The following NBAS variants were observed in gnomAD, a reference collection of about 807,000 sequenced individuals.
NBAS encodes the protein NBAS subunit of NRZ tethering complex, also known as NAG/BC035112 fusion.
Under a neutral mutation model 302.5 loss-of-function variants are expected in NBAS, and 219 were observed. That is an observed-to-expected ratio of 0.72 (90% CI 0.65 to 0.81). The LOEUF is 0.81. Ranked by LOEUF, NBAS falls within the 30% of genes least tolerant of loss-of-function variation. NBAS has a pLI of 0.00. For synonymous variants in NBAS, 1,118 were observed against 1,021.6 expected (o/e 1.09, Z -1.80); for missense variants, 2,932 against 2,841.6 (o/e 1.03, Z -0.72).
chr2:15,247,759 TA>T (rs1668169815), intron 44 of NBAS, among the ~76,000 whole-genome samples: 1 of 80,366 alleles, frequency 1.2e-5, no homozygotes, highest in Non-Finnish European at 2.1e-5. Context: ...TATATAGATA[TA>T]AAATCCATCA....
At chr2:14,788,394 G>C in the NBAS span, among the ~76,000 whole-genome samples, 4 of 152,082 alleles carry the variant, frequency 2.6e-5, no homozygotes, top group African/African-American at 7.2e-5. Flanking sequence ...GAGGAGAGGC[G>C]CTCTGCTTTT....
At chr2:15,092,987 G>A in the NBAS span, among the ~76,000 whole-genome samples, 1 of 152,116 alleles carries the variant, frequency 6.6e-6, no homozygotes, top group Admixed American at 6.5e-5. Flanking sequence ...TGTTCCTGGG[G>A]GTTAAAGTTA....
intron 50 of NBAS, chr2:15,180,191 T>A (rs1233410426): frequency 6.6e-6 from 1 of 152,218 alleles, no homozygotes; most frequent in African/African-American, 2.4e-5. Flanking sequence ...TAAGCTCGCA[T>A]TTAAACTCAG....
At chr2:15,236,431 C>T (rs1667595099) in intron 45 of NBAS, among the ~76,000 whole-genome samples, 1 of 148,762 alleles carries the variant, frequency 6.7e-6, no homozygotes, top group South Asian at 2.2e-4. Context: ...CACCTGTAGT[C>T]CCAGCTACTC....
chr2:14,904,606 G>T, the NBAS span, among the ~76,000 whole-genome samples: 12 of 94,900 alleles, frequency 1.3e-4, no homozygotes, highest in African/African-American at 3.9e-4. Flanking sequence ...GTCACAGTCA[G>T]CTGTGACTCA....
chr2:15,500,333 G>T (rs1279261106), intron 11 of NBAS, among the ~76,000 whole-genome samples: 1 of 151,972 alleles, frequency 6.6e-6, no homozygotes, highest in Admixed American at 6.6e-5. Flanking sequence ...TATAAGTGCT[G>T]CTCTTCCAAC....
intron 48 of NBAS, among the ~76,000 whole-genome samples, chr2:15,214,192 T>G (rs1194224962): frequency 1.3e-5 from 2 of 152,220 alleles, no homozygotes; most frequent in African/African-American, 4.8e-5. Context: ...GACAAATTTT[T>G]AAAGATTTGA....
the NBAS span, among the ~76,000 whole-genome samples, chr2:15,022,317 G>A: frequency 6.6e-6 from 1 of 152,114 alleles, no homozygotes; most frequent in East Asian, 1.9e-4. Context: ...CTCAATGACT[G>A]ACTCCTCTCT....
chr2:15,336,812 T>C (rs1006127979), intron 35 of NBAS, among the ~76,000 whole-genome samples: 60 of 152,246 alleles, frequency 3.9e-4, no homozygotes, highest in African/African-American at 1.4e-3. Flanking sequence ...TTTCAATTCC[T>C]GTTCATCTGT....
the NBAS span, among the ~76,000 whole-genome samples, chr2:14,858,044 C>T: frequency 6.6e-6 from 1 of 151,990 alleles, no homozygotes; most frequent in African/African-American, 2.4e-5. Context: ...CAAAAGAAGA[C>T]ATAAAAATGG....
the NBAS span, among the ~76,000 whole-genome samples, chr2:14,979,584 C>T: frequency 6.6e-5 from 10 of 152,268 alleles, no homozygotes; most frequent in Admixed American, 5.9e-4. Context: ...CTGGGATTCA[C>T]GACCAGATAT....
chr2:15,314,977 A>T (rs1671440320), intron 38 of NBAS, among the ~76,000 whole-genome samples: 2 of 152,212 alleles, frequency 1.3e-5, no homozygotes, highest in African/African-American at 4.8e-5. Flanking sequence ...AGTGGGGAAA[A>T]ATCAGAGCAT....
Position 15,356,584 on chromosome 2 carries a change from G to T in NBAS, c.3818-168C>A, listed in dbSNP as rs3731997. 0.07 allele frequency among the ~76,000 whole-genome samples: 10,695 copies of T among 152,204 alleles called. 458 individuals are homozygous for T. The highest frequency in any genetic ancestry group is 0.11 in the East Asian group (579 of 5,180). ...TTTGACCTTTCAATCCACTTATGAA[G>T]CATGGAATTAGCCATCAGTCTCCTA... On this transcript the variant is annotated intron_variant, in intron 32 of 51. Transcript: ENST00000281513.
chr2:14,998,776 CA>C, the NBAS span, among the ~76,000 whole-genome samples: 1 of 152,262 alleles, frequency 6.6e-6, no homozygotes, highest in South Asian at 2.1e-4. Context: ...GTCTTTTATG[CA>C]ATTAAAATTT....
the NBAS span, among the ~76,000 whole-genome samples, chr2:15,105,258 G>A: frequency 7.2e-5 from 11 of 152,084 alleles, no homozygotes; most frequent in Non-Finnish European, 1.2e-4. Flanking sequence ...GGGCCTGTCA[G>A]GGGGTGGGAG....
chr2:14,935,798 G>A, the NBAS span, among the ~76,000 whole-genome samples: 7 of 152,186 alleles, frequency 4.6e-5, no homozygotes, highest in South Asian at 4.1e-4. Context: ...AAACACTGAC[G>A]TGTCCTAGCA....
chr2:15,486,858 G>A (rs1354414566), intron 12 of NBAS, among the ~76,000 whole-genome samples: 11 of 150,034 alleles, frequency 7.3e-5, no homozygotes, highest in Non-Finnish European at 1.6e-4. Flanking sequence ...ATGCTAACCA[G>A]TCAAAGGTTG....
chr2:14,910,562 C>T, the NBAS span, among the ~76,000 whole-genome samples: 1 of 152,184 alleles, frequency 6.6e-6, no homozygotes, highest in Non-Finnish European at 1.5e-5. Context: ...AGTTGGGAGA[C>T]AATGCTGAGA....
intron 38 of NBAS, among the ~76,000 whole-genome samples, chr2:15,319,344 A>G (rs1671677199): frequency 6.6e-6 from 1 of 152,192 alleles, no homozygotes; most frequent in Non-Finnish European, 1.5e-5. Context: ...AGAACTAGAG[A>G]AGCAAGAGCA....
Sources: gnomAD v4.1 joint callset for allele counts (sites outside exome capture counted in the v4.1 genomes callset) on GRCh38, gnomAD v4.1.1 for gene constraint, MANE v1.5 for transcripts, NCBI Gene and HGNC (gene_info 2026-07-23, HGNC 2026-07-21) for gene names.